Variants in ZNF696 observed in about 807,000 individuals in gnomAD.
ZNF696 encodes the protein zinc finger protein 696.
In ZNF696, 10 loss-of-function variants were observed where a neutral mutation model predicts 12.3. The observed-to-expected ratio is 0.81, with a 90% confidence interval of 0.50 to 1.38. ZNF696 has a LOEUF of 1.38. ZNF696 is among the 40% of genes most tolerant of loss of function. ZNF696 has a pLI of 0.00. For synonymous variants in ZNF696, 304 were observed against 243.9 expected, an observed-to-expected ratio of 1.25 and a Z score of -2.29; for missense variants, 675 against 554.7, an observed-to-expected ratio of 1.22 and a Z score of -2.18.
rs1815707675 is a variant in ZNF696 at position 143,296,158 on chromosome 8, C to T, written c.483C>T (p.Ala161=). The part of the protein sequence containing the change: ...KPYECSDCGK[A]FIHSSHVVRH... ...ACGAGTGCAGCGACTGCGGGAAGGC[C>T]TTCATCCACAGCTCGCACGTGGTCC... The change falls in exon 3 of 3, where the codon GCC becomes GCT. Residue 161 remains alanine, a synonymous_variant. Coordinates refer to ENST00000330143, the MANE Select transcript of ZNF696 (RefSeq NM_030895.3). 1 of 1,608,862 alleles carries T rather than the reference C, an allele frequency of 6.2e-7. No homozygotes were observed. The highest frequency in any genetic ancestry group is 8.5e-7 in the Non-Finnish European group (1 of 1,178,762).
At position 143,299,319 on chromosome 8, in the gene ZNF696, C is replaced by T. The variant is rs1022586957; in HGVS notation, c.*2519C>T. Among the ~76,000 whole-genome samples the T allele has an allele frequency of 1.3e-5, 2 of 152,118 alleles. No individual in the cohort carries two copies. Among genetic ancestry groups the T allele is most frequent in the African/African-American group, 4.8e-5 (2 of 41,428 alleles). On this transcript the variant is annotated 3_prime_UTR_variant, in exon 3 of 3. Transcript: ENST00000330143. ...ACAATAGCATGTAAATTAGAAGGGACAGAAATGTTCTAAGACCCTCCGGTT... is the reference window on the plus strand; with the variant it reads ...ACAATAGCATGTAAATTAGAAGGGATAGAAATGTTCTAAGACCCTCCGGTT...
chr8:143,295,776 G>C lies in ZNF696; in HGVS notation c.101G>C (p.Gly34Ala), dbSNP rs760176217. Residue 34 changes from glycine to alanine, a missense_variant, in exon 3 of 3, where the codon GGC (glycine) becomes GCC (alanine). Gly to Ala is a moderately conservative substitution (Grantham distance 60). Coordinates refer to ENST00000330143, the MANE Select transcript of ZNF696 (RefSeq NM_030895.3). ...GCTTTCCTGGCGCAGGCCCCGAGTGGCAGCCGGTCAGCCGAGGTGCAGGCA... is the reference window on the plus strand; with the variant it reads ...GCTTTCCTGGCGCAGGCCCCGAGTGCCAGCCGGTCAGCCGAGGTGCAGGCA... ...KAAFLAQAPS[G>A]SRSAEVQAAQ... The C allele has an allele frequency of 6.2e-7, 1 of 1,603,780 alleles. No individual in the cohort carries two copies. The highest frequency in any genetic ancestry group is 2.2e-5 in the East Asian group (1 of 44,630).
chr8:143,293,777 A>C (rs1448510462), intron 2 of ZNF696, among the ~76,000 whole-genome samples: 1 of 152,160 alleles, frequency 6.6e-6, no homozygotes, highest in African/African-American at 2.4e-5. Context: ...AAACCACAAG[A>C]CCAGGGCTGG....
Position 143,291,468 on chromosome 8 carries a change from C to A in ZNF696, c.-330C>A. 1.0e-6 allele frequency: 1 copy of A among 985,530 alleles called. No homozygotes were observed. The highest frequency in any genetic ancestry group is 4.7e-5 in the South Asian group (1 of 21,310). 61.0% of individuals were successfully genotyped at this position (985,530 alleles called of 1,614,324 possible). ...GACGCTGAGGCCCCGGCTTCTCTTG[C>A]TGGGGTGTCGATTCGGGAGGGCTGA... is the stretch of plus-strand genomic sequence containing the variant. On this transcript the variant is annotated 5_prime_UTR_variant, in exon 1 of 3. In the 5' UTR this introduces an upstream ATG that the reference lacks. Transcript: ENST00000330143.
At position 143,295,985 on chromosome 8, in the gene ZNF696, T is replaced by G. The variant is rs770291619; in HGVS notation, c.310T>G (p.Ser104Ala). The change falls in exon 3 of 3, where the codon TCA becomes GCA. Residue 104 changes from serine (S) to alanine (A), a missense_variant. Coordinates refer to ENST00000330143, the MANE Select transcript of ZNF696 (RefSeq NM_030895.3). The part of the protein sequence containing the change: ...EKTGGQSGLE[S>A]DVPPNAGPGA... ...AACTGGAGGACAGAGTGGCCTCGAG[T>G]CAGACGTCCCTCCGAACGCAGGCCC... 30 of 1,588,406 alleles carry G rather than the reference T, an allele frequency of 1.9e-5. No homozygotes were observed. Among genetic ancestry groups the G allele is most frequent in the Non-Finnish European group, 2.2e-5 (26 of 1,167,058 alleles).
At chr8:143,292,261 T>G (rs1167922833) in intron 1 of ZNF696, 1 of 152,256 alleles carries the variant, frequency 6.6e-6, no homozygotes, top group Non-Finnish European at 1.5e-5. Context: ...CCCAGCCAAA[T>G]TACATTTCTT....
intron 2 of ZNF696, chr8:143,295,401 C>T (rs1422053719): frequency 3.4e-6 from 2 of 592,610 alleles, no homozygotes; most frequent in Non-Finnish European, 6.3e-6. Flanking sequence ...ACTATGTTGG[C>T]CAGGCTGGTC....
At chr8:143,293,861 G>T (rs1395326499) in intron 2 of ZNF696, among the ~76,000 whole-genome samples, 1 of 152,228 alleles carries the variant, frequency 6.6e-6, no homozygotes, top group East Asian at 1.9e-4. Flanking sequence ...AGTGTCAGGG[G>T]TCTGCAAGGG....
rs372519684 is a variant in ZNF696, at chr8:143,298,690, G to A, written c.*1890G>A. Among the ~76,000 whole-genome samples the A allele has an allele frequency of 2.0e-4, 30 of 152,336 alleles. No individual in the cohort carries two copies. Among genetic ancestry groups the A allele is most frequent in the African/African-American group, 6.0e-4 (25 of 41,560 alleles). ...TGTGTGAGGTGTTCAAAGAAGTCGC[G>A]CAGTCAGTGATGAGAAAGCTGTAGG... is the stretch of plus-strand genomic sequence containing the variant. On this transcript the variant is annotated 3_prime_UTR_variant, in exon 3 of 3. Coordinates refer to ENST00000330143, the MANE Select transcript of ZNF696 (RefSeq NM_030895.3).
At position 143,297,083 on chromosome 8, in the gene ZNF696, G is replaced by A; in HGVS notation, c.*283G>A. Reference sequence around the variant, plus strand: ...CGGCCGCCCGCCTCTGAGACTCCCCGCCTCCCACGGTCAGCTGCTGCGGGG... The same window carrying A: ...CGGCCGCCCGCCTCTGAGACTCCCCACCTCCCACGGTCAGCTGCTGCGGGG... On this transcript the variant is annotated 3_prime_UTR_variant, in exon 3 of 3. Coordinates refer to ENST00000330143, the MANE Select transcript of ZNF696 (RefSeq NM_030895.3). 2.9e-6 allele frequency: 1 copy of A among 342,032 alleles called. No individual in the cohort carries two copies. Among genetic ancestry groups the A allele is most frequent in the Non-Finnish European group, 5.3e-6 (1 of 190,212 alleles). 21.2% of individuals were successfully genotyped at this position (342,032 alleles called of 1,614,324 possible).
rs933848250 is a variant in ZNF696, at chr8:143,291,421, C to G, written c.-377C>G. On this transcript the variant is annotated 5_prime_UTR_variant, in exon 1 of 3. Coordinates refer to ENST00000330143, the MANE Select transcript of ZNF696 (RefSeq NM_030895.3). The stretch of plus-strand genomic sequence containing the variant: ...GCGCGCGACGGGGCGGGGACCGTAG[C>G]GGGTGCAGTCCAGCTGCTCTGGACG... The G allele has an allele frequency of 1.0e-6, 1 of 986,004 alleles. No individual in the cohort carries two copies. The highest frequency in any genetic ancestry group is 1.2e-6 in the Non-Finnish European group (1 of 830,366). 61.1% of individuals were successfully genotyped at this position (986,004 alleles called of 1,614,324 possible). A position where few individuals can be genotyped will look rare whatever the true frequency, so the allele number is the denominator to read the frequency against.
intron 2 of ZNF696, among the ~76,000 whole-genome samples, chr8:143,293,918 T>G (rs576376169): frequency 8.2e-4 from 125 of 152,312 alleles, no homozygotes; most frequent in Non-Finnish European, 1.5e-3. Context: ...TCATCTGCCC[T>G]GGAACATCCC....
chr8:143,296,217 A>ACGCGTGCGC lies in ZNF696; in HGVS notation c.545_553dup (p.Ala182_Ala184dup). ...CGGGCGCACAGCGGGGAGAGGCCCT[A>ACGCGTGCGC]CGCGTGCGCCGAGTGCGGCAAGGCC... On this transcript the variant is annotated inframe_insertion, in exon 3 of 3. Coordinates refer to ENST00000330143, the MANE Select transcript of ZNF696 (RefSeq NM_030895.3). 6.3e-7 allele frequency: 1 copy of ACGCGTGCGC among 1,595,286 alleles called. No individual in the cohort carries two copies. The highest frequency in any genetic ancestry group is 8.5e-7 in the Non-Finnish European group (1 of 1,174,868).
rs1360819714 is a variant in ZNF696, at chr8:143,296,616, T to TCCACA, written c.944_948dup (p.Gly317ThrfsTer46). On this transcript the variant is annotated frameshift_variant, in exon 3 of 3. Transcript: ENST00000330143. LOFTEE classifies it high-confidence loss of function. ...TCCTTCCTCCGCGAGCACCGCCGCA[T>TCCACA]CCACACCGGGGAGAAGCCCCACCAG... 1 of 1,582,138 alleles carries TCCACA rather than the reference T, an allele frequency of 6.3e-7. No homozygotes were observed. The highest frequency in any genetic ancestry group is 8.5e-7 in the Non-Finnish European group (1 of 1,171,260).
In ZNF696 at chr8:143,295,941, G is replaced by GC; in HGVS notation, c.269dup (p.Val91GlyfsTer4). 6.4e-7 allele frequency: 1 copy of GC among 1,564,170 alleles called. No homozygotes were observed. Among genetic ancestry groups the GC allele is most frequent in the Non-Finnish European group, 8.7e-7 (1 of 1,154,348 alleles). Reference sequence around the variant, plus strand: ...GAGAGGCCCGGAGGTTCCCCTCGAGGCCCGGTCACTTCTGAGAAAACTGGA... The same window carrying GC: ...GAGAGGCCCGGAGGTTCCCCTCGAGGCCCCGGTCACTTCTGAGAAAACTGGA... On this transcript the variant is annotated frameshift_variant, in exon 3 of 3. Coordinates refer to ENST00000330143, the MANE Select transcript of ZNF696 (RefSeq NM_030895.3). LOFTEE classifies it low-confidence loss of function (END_TRUNC).
At position 143,296,605 on chromosome 8, in the gene ZNF696, G is replaced by A. The variant is rs757881913; in HGVS notation, c.930G>A (p.Glu310=). The change falls in exon 3 of 3, where the codon GAG becomes GAA. Residue 310 remains glutamate, a synonymous_variant. Coordinates refer to ENST00000330143, the MANE Select transcript of ZNF696 (RefSeq NM_030895.3). The part of the protein sequence containing the change: ...RAFSRSSFLR[E]HRRIHTGEKP... Reference sequence around the variant, plus strand: ...TCAGCCGCAGCTCCTTCCTCCGCGAGCACCGCCGCATCCACACCGGGGAGA... The same window carrying A: ...TCAGCCGCAGCTCCTTCCTCCGCGAACACCGCCGCATCCACACCGGGGAGA... The A allele has an allele frequency of 1.9e-5, 30 of 1,584,878 alleles. No individual in the cohort carries two copies. The highest frequency in any genetic ancestry group is 2.5e-5 in the Non-Finnish European group (29 of 1,171,028).
At chr8:143,294,743 G>A (rs1411478232) in intron 2 of ZNF696, among the ~76,000 whole-genome samples, 5 of 152,058 alleles carry the variant, frequency 3.3e-5, no homozygotes, top group Admixed American at 6.5e-5. Context: ...GGTGTTTGGG[G>A]GCAGTTGTTA....
chr8:143,298,369 GTTAA>G lies in ZNF696; in HGVS notation c.*1574_*1577del, dbSNP rs1815753535. On this transcript the variant is annotated 3_prime_UTR_variant, in exon 3 of 3. Coordinates refer to ENST00000330143, the MANE Select transcript of ZNF696 (RefSeq NM_030895.3). ...TCAGAATGGATTTGGTGGCCCCACCGTTAATTAAGCTCCTGACCCCTGGGCCGGT... is the reference window on the plus strand; with the variant it reads ...TCAGAATGGATTTGGTGGCCCCACCGTTAAGCTCCTGACCCCTGGGCCGGT... Among the ~76,000 whole-genome samples the G allele has an allele frequency of 6.6e-6, 1 of 152,154 alleles. No homozygotes were observed. Among genetic ancestry groups the G allele is most frequent in the Admixed American group, 6.5e-5 (1 of 15,284 alleles).
At chr8:143,292,670 G>A (rs1417218083) in intron 1 of ZNF696, among the ~76,000 whole-genome samples, 1 of 152,240 alleles carries the variant, frequency 6.6e-6, no homozygotes, top group Admixed American at 6.5e-5. Flanking sequence ...GGCTTCCTCA[G>A]CATGGAGCTA....
Sources: allele counts gnomAD v4.1 joint callset (sites outside exome capture counted in the v4.1 genomes callset), GRCh38; gene constraint gnomAD v4.1.1; transcripts MANE v1.5; gene names NCBI Gene and HGNC (gene_info 2026-07-23, HGNC 2026-07-21).